PRR5: variants seen among roughly 807,000 people sequenced by gnomAD.
PRR5 encodes proline rich 5, also known as proline-rich protein 5.
PRR5 carries 25 observed loss-of-function variants against 30.6 expected under a neutral mutation model. The observed-to-expected ratio is 0.82, with a 90% CI of 0.60 to 1.14. PRR5 has a LOEUF of 1.14. PRR5 is among the 50% of genes most tolerant of loss of function. The probability of loss-of-function intolerance (pLI) is 0.00; values close to 1 mark genes in which losing one functional copy is unlikely to be tolerated. For synonymous variants in PRR5, 286 were observed against 247.1 expected, an observed-to-expected ratio of 1.16 and a Z score of -1.48; for missense variants, 600 against 547.1, an observed-to-expected ratio of 1.10 and a Z score of -0.96.
intron 1 of PRR5, among the ~76,000 whole-genome samples, chr22:44,711,086 C>G (rs1044826165): frequency 2.6e-5 from 4 of 152,088 alleles, no homozygotes; most frequent in African/African-American, 9.7e-5. Flanking sequence ...GGAGAACACC[C>G]AGGGCGAGGA....
At chr22:44,688,432 G>C (rs1006335153) in intron 1 of PRR5, among the ~76,000 whole-genome samples, 7 of 152,160 alleles carry the variant, frequency 4.6e-5, no homozygotes, top group African/African-American at 1.7e-4. Flanking sequence ...TAGTTAGAGT[G>C]CAACTAGTAG....
chr22:44,731,236 G>GTA, intron 4 of PRR5: 1 of 264,806 alleles, frequency 3.8e-6, no homozygotes, highest in African/African-American at 2.2e-5. Flanking sequence ...ACCTGTGTGG[G>GTA]TCTTACCTGT....
chr22:44,736,961 G>A lies in PRR5; in HGVS notation c.881G>A (p.Gly294Asp), dbSNP rs1239886633. Residue 294 changes from glycine to aspartate, a missense_variant, in exon 8 of 8, where the codon GGC becomes GAC. By Grantham distance (94) the Gly-to-Asp change is moderately conservative. Transcript: ENST00000336985. ...ATGACGTCCTGCCCCGAGCCTCAGG[G>A]CTTCTCCGACCCGCCCGGCCAGGGC... ...SEMTSCPEPQ[G>D]FSDPPGQGPT... The A allele has an allele frequency of 3.1e-6, 5 of 1,603,742 alleles. No individual in the cohort carries two copies. Among genetic ancestry groups the A allele is most frequent in the African/African-American group, 2.7e-5 (2 of 74,914 alleles).
At chr22:44,692,907 A>G (rs1346188991) in intron 1 of PRR5, among the ~76,000 whole-genome samples, 1 of 152,144 alleles carries the variant, frequency 6.6e-6, no homozygotes. Context: ...TTAGGCTGCC[A>G]GGCTGGGATA....
intron 6 of PRR5, among the ~76,000 whole-genome samples, chr22:44,733,900 C>G (rs1465555522): frequency 6.6e-6 from 1 of 152,198 alleles, no homozygotes; most frequent in Admixed American, 6.5e-5. Flanking sequence ...TCACTCCCTG[C>G]CTGGAGTGGC....
At chr22:44,729,665 G>A (rs1165655946) in intron 4 of PRR5, 1 of 985,324 alleles carries the variant, frequency 1.0e-6, no homozygotes, top group Non-Finnish European at 1.2e-6. Context: ...CCCCACAGAG[G>A]GGCCCCCACA....
At chr22:44,700,974 C>T (rs896816887), upstream of PRR5, among the ~76,000 whole-genome samples, 1 of 152,122 alleles carries the variant, frequency 6.6e-6, no homozygotes, top group Non-Finnish European at 1.5e-5. Flanking sequence ...CCTCTGCCTC[C>T]CAGGTTCAAG....
At chr22:44,715,784 C>T (rs750048145) in intron 2 of PRR5, among the ~76,000 whole-genome samples, 1 of 152,098 alleles carries the variant, frequency 6.6e-6, no homozygotes, top group Non-Finnish European at 1.5e-5. Context: ...TCCTGAGTGG[C>T]TGGGACTACA....
intron 4 of PRR5, among the ~76,000 whole-genome samples, chr22:44,726,905 G>A (rs1422943352): frequency 6.6e-6 from 1 of 152,158 alleles, no homozygotes; most frequent in African/African-American, 2.4e-5. Flanking sequence ...CCCTGCCCAC[G>A]GGACTTTCTG....
intron 1 of PRR5, among the ~76,000 whole-genome samples, chr22:44,703,618 G>T (rs2147013119): frequency 6.6e-6 from 1 of 152,328 alleles, no homozygotes; most frequent in East Asian, 1.9e-4. Flanking sequence ...CTCTCCGTCA[G>T]TGGGTATTCG....
At chr22:44,718,867 A>C (rs1012586577) in intron 2 of PRR5, among the ~76,000 whole-genome samples, 1 of 152,138 alleles carries the variant, frequency 6.6e-6, no homozygotes, top group African/African-American at 2.4e-5. Context: ...TTATTGAGCT[A>C]TGAGAGTTCT....
chr22:44,725,304 T>C lies in PRR5; in HGVS notation c.264+12T>C. 1.2e-6 allele frequency: 2 copies of C among 1,612,834 alleles called. No homozygotes were observed. Among genetic ancestry groups the C allele is most frequent in the Non-Finnish European group, 8.5e-7 (1 of 1,179,872 alleles). The stretch of plus-strand genomic sequence containing the variant: ...CGGAGTACCTGCAGGTAGGTGGGTC[T>C]TGCTCCAGCCAGGCTGGGCCTGCCT... On this transcript the variant is annotated intron_variant, in intron 3 of 7. Coordinates refer to ENST00000336985, the MANE Select transcript of PRR5 (RefSeq NM_181333.4).
chr22:44,735,478 T>C (rs569874657), intron 7 of PRR5, among the ~76,000 whole-genome samples: 1 of 152,254 alleles, frequency 6.6e-6, no homozygotes, highest in South Asian at 2.1e-4. Flanking sequence ...AACATGCAAA[T>C]GCCGAAGCTT....
chr22:44,726,208 G>A (rs1305368309), intron 3 of PRR5, among the ~76,000 whole-genome samples: 1 of 152,208 alleles, frequency 6.6e-6, no homozygotes, highest in African/African-American at 2.4e-5. Context: ...AGGTAGGATG[G>A]CAGCTGACGG....
chr22:44,674,192 T>A (rs190027259), upstream of PRR5, among the ~76,000 whole-genome samples: 1 of 152,220 alleles, frequency 6.6e-6, no homozygotes, highest in African/African-American at 2.4e-5. Context: ...CCTTGCTCTT[T>A]TGCCCAGGCT....
intron 5 of PRR5, 140 bp from the exon 6 acceptor site, chr22:44,732,111 C>G: frequency 7.4e-7 from 1 of 1,352,156 alleles, no homozygotes; most frequent in Non-Finnish European, 1.0e-6. Flanking sequence ...ATCCTTGGGA[C>G]GGGGTCATCT....
chr22:44,683,835 G>T (rs1039165835), intron 1 of PRR5, among the ~76,000 whole-genome samples: 1 of 152,216 alleles, frequency 6.6e-6, no homozygotes, highest in African/African-American at 2.4e-5. Context: ...AGCCACCCGG[G>T]GAATGGAAGC....
At chr22:44,705,896 A>G (rs915797510) in intron 1 of PRR5, among the ~76,000 whole-genome samples, 5 of 151,958 alleles carry the variant, frequency 3.3e-5, no homozygotes, top group Middle Eastern at 3.2e-3. Flanking sequence ...GGTTCAAGCA[A>G]TTCTCCTGCT....
chr22:44,709,970 C>T (rs1214057650), intron 1 of PRR5, among the ~76,000 whole-genome samples: 1 of 152,200 alleles, frequency 6.6e-6, no homozygotes, highest in Non-Finnish European at 1.5e-5. Flanking sequence ...AACCCACACA[C>T]TGAGCTGCTC....
Sources: allele counts gnomAD v4.1 joint callset (sites outside exome capture counted in the v4.1 genomes callset), GRCh38; gene constraint gnomAD v4.1.1; transcripts MANE v1.5; gene names NCBI Gene and HGNC (gene_info 2026-07-23, HGNC 2026-07-21).